RIMS2: variants seen among roughly 807,000 people sequenced by gnomAD.
RIMS2 encodes regulating synaptic membrane exocytosis protein 2.
In RIMS2, 59 loss-of-function variants were observed where a neutral mutation model predicts 174.4. The observed-to-expected ratio is 0.34, with a 90% CI of 0.27 to 0.42. RIMS2 has a LOEUF of 0.42. RIMS2 is among the 10% of genes least tolerant of loss of function. The pLI is 1.00. For missense variants in RIMS2, 1,620 were observed against 1,666.3 expected, an observed-to-expected ratio of 0.97 and a Z score of 0.48; for synonymous variants, 606 against 572.5, an observed-to-expected ratio of 1.06 and a Z score of -0.84.
chr8:104,117,817 CATG>C (rs752022830), intron 19 of RIMS2, among the ~76,000 whole-genome samples: 3 of 152,204 alleles, frequency 2.0e-5, no homozygotes, highest in Non-Finnish European at 4.4e-5. Context: ...TTAGTTCTGA[CATG>C]ATATCTACAT....
intron 8 of RIMS2, among the ~76,000 whole-genome samples, chr8:103,916,984 A>G (rs2076739717): frequency 6.6e-6 from 1 of 152,182 alleles, no homozygotes; most frequent in Non-Finnish European, 1.5e-5. Flanking sequence ...CAAACAGACC[A>G]AAAATAAGCA....
chr8:103,583,399 A>G (rs1366186262), intron 1 of RIMS2, among the ~76,000 whole-genome samples: 1 of 152,220 alleles, frequency 6.6e-6, no homozygotes. Flanking sequence ...ATCTGCTAGC[A>G]TCAACACCAT....
At chr8:103,907,564 T>C (rs1204555701) in intron 4 of RIMS2, among the ~76,000 whole-genome samples, 1 of 151,970 alleles carries the variant, frequency 6.6e-6, no homozygotes, top group Non-Finnish European at 1.5e-5. Context: ...CTTTTCTCTT[T>C]TTTGTTTTTT....
chr8:103,716,585 A>AT (rs2097370842), intron 2 of RIMS2, among the ~76,000 whole-genome samples: 1 of 151,782 alleles, frequency 6.6e-6, no homozygotes, highest in African/African-American at 2.4e-5. Context: ...AGAATTTAGC[A>AT]TTTTTTTCAA....
chr8:103,825,590 A>G (rs1334571466), intron 3 of RIMS2, among the ~76,000 whole-genome samples: 1 of 151,882 alleles, frequency 6.6e-6, no homozygotes, highest in Non-Finnish European at 1.5e-5. Flanking sequence ...GGCCTACTCA[A>G]CATAGTTTTA....
At chr8:103,764,902 G>T (rs924411151) in intron 2 of RIMS2, among the ~76,000 whole-genome samples, 25 of 151,970 alleles carry the variant, frequency 1.6e-4, no homozygotes, top group Non-Finnish European at 5.9e-5. Context: ...GGGGAGAAAA[G>T]AAATGTATAT....
chr8:104,193,893 G>A (rs754515715), intron 19 of RIMS2, among the ~76,000 whole-genome samples: 15 of 151,910 alleles, frequency 9.9e-5, no homozygotes, highest in South Asian at 6.2e-4. Context: ...TCTTTGAATC[G>A]AGACATTATA....
intron 19 of RIMS2, among the ~76,000 whole-genome samples, chr8:104,078,777 T>A (rs1424178940): frequency 6.6e-6 from 1 of 152,242 alleles, no homozygotes; most frequent in Non-Finnish European, 1.5e-5. Context: ...TTGAACTTTT[T>A]ATTTCTTTTT....
intron 17 of RIMS2, among the ~76,000 whole-genome samples, chr8:103,989,795 T>G (rs1430956146): frequency 6.6e-6 from 1 of 152,220 alleles, no homozygotes; most frequent in Non-Finnish European, 1.5e-5. Context: ...ACAAAAGATT[T>G]TAAAGTCTTT....
intron 19 of RIMS2, among the ~76,000 whole-genome samples, chr8:104,037,521 A>G (rs1256694400): frequency 2.0e-5 from 3 of 152,174 alleles, no homozygotes; most frequent in Admixed American, 6.5e-5. Flanking sequence ...AATCAGCAGA[A>G]TTTCAGATAG....
intron 19 of RIMS2, among the ~76,000 whole-genome samples, chr8:104,038,568 G>T (rs948016374): frequency 2.6e-5 from 4 of 151,828 alleles, no homozygotes; most frequent in South Asian, 2.1e-4. Flanking sequence ...ACTGTGGCAT[G>T]GTAATGAGAA....
Position 103,502,083 on chromosome 8 carries a change from C to T in RIMS2, c.176+1021C>T, listed in dbSNP as rs181064676. On this transcript the variant is annotated intron_variant, in intron 1 of 23. Coordinates refer to ENST00000504942, the Ensembl canonical transcript of RIMS2. ...GATGTGTAACCTTTTTATGTTTTTC[C>T]AGCTTGGCTTTTTTCTTTTTACTTG... Among the ~76,000 whole-genome samples the T allele has an allele frequency of 9.2e-5, 14 of 152,222 alleles. No individual in the cohort carries two copies. The East Asian group carries it at 1.2e-3, about 13-fold the overall frequency.
At chr8:103,593,875 A>G (rs1288699827) in intron 1 of RIMS2, among the ~76,000 whole-genome samples, 1 of 151,426 alleles carries the variant, frequency 6.6e-6, no homozygotes, top group African/African-American at 2.4e-5. Context: ...AAATATATAT[A>G]TAACTTATTA....
chr8:103,701,352 G>T (rs2097164722), intron 2 of RIMS2, among the ~76,000 whole-genome samples: 1 of 152,076 alleles, frequency 6.6e-6, no homozygotes, highest in Non-Finnish European at 1.5e-5. Flanking sequence ...GATAACAACT[G>T]TACAATGTGT....
chr8:103,699,204 T>C (rs371247931), intron 2 of RIMS2, among the ~76,000 whole-genome samples: 120 of 152,286 alleles, frequency 7.9e-4, no homozygotes, highest in African/African-American at 2.7e-3. Context: ...ATTCCTGATA[T>C]TGGTAATTTG....
At chr8:104,097,251 C>T (rs1179096970) in intron 19 of RIMS2, among the ~76,000 whole-genome samples, 1 of 152,064 alleles carries the variant, frequency 6.6e-6, no homozygotes, top group African/African-American at 2.4e-5. Flanking sequence ...CGTGTAAACA[C>T]TAAATTCATT....
At chr8:104,094,787 C>T (rs2097727769) in intron 19 of RIMS2, 4 of 580,482 alleles carry the variant, frequency 6.9e-6, no homozygotes, top group African/African-American at 1.9e-5. Context: ...TTTACCATTC[C>T]TAAAAATTAT....
chr8:104,251,724 T>C (rs771993578), exon 24 of RIMS2: 2 of 1,611,458 alleles, frequency 1.2e-6, no homozygotes, highest in South Asian at 2.2e-5. Flanking sequence ...TTTTCCCACC[T>C]TCCTCCCTAG....
intron 1 of RIMS2, chr8:103,652,662 A>C: frequency 7.4e-7 from 1 of 1,350,988 alleles, no homozygotes; most frequent in South Asian, 1.1e-5. Context: ...CTGGTAAATA[A>C]CGTTCTTCAG....
Sources: gnomAD v4.1 joint callset for allele counts (sites outside exome capture counted in the v4.1 genomes callset) on GRCh38, gnomAD v4.1.1 for gene constraint, MANE v1.5 for transcripts, NCBI Gene and HGNC (gene_info 2026-07-23, HGNC 2026-07-21) for gene names.